The following VPS8 variants were observed in gnomAD, a reference collection of about 807,000 sequenced individuals.
VPS8 encodes VPS8 subunit of CORVET complex, also known as vacuolar protein sorting-associated protein 8 homolog.
In VPS8, 129 loss-of-function variants were observed where a neutral mutation model predicts 216.4. The ratio of observed to expected loss-of-function variants is 0.60; its 90% CI spans 0.52 to 0.69. VPS8 has a LOEUF of 0.69. Among genes scored for constraint, VPS8 ranks in the 30% least tolerant of loss-of-function variants. VPS8 has a pLI of 0.00. For synonymous variants in VPS8, 571 were observed against 565.4 expected (o/e 1.01, Z -0.14); for missense variants, 1,531 against 1,683.5 (o/e 0.91, Z 1.59).
At chr3:184,812,509 A>C (rs1715347932) in intron 1 of VPS8, 2 of 152,246 alleles carry the variant, frequency 1.3e-5, no homozygotes, top group Non-Finnish European at 2.9e-5. Flanking sequence ...GTGAAAATTC[A>C]AATGGGCTTA....
intron 32 of VPS8, among the ~76,000 whole-genome samples, 164 bp downstream of exon 32, chr3:184,928,697 C>A (rs1160004066): frequency 2.6e-5 from 4 of 152,012 alleles, no homozygotes; most frequent in Non-Finnish European, 5.9e-5. Context: ...TAATTGAATT[C>A]TAGAAATTAG....
intron 3 of VPS8, among the ~76,000 whole-genome samples, chr3:184,830,602 C>T (rs771788818): frequency 6.6e-6 from 1 of 151,748 alleles, no homozygotes; most frequent in Non-Finnish European, 1.5e-5. Flanking sequence ...TTCTTTTTTT[C>T]CCTTCACTTT....
chr3:184,840,124 C>T (rs1280947576), intron 7 of VPS8: 3 of 162,164 alleles, frequency 1.8e-5, no homozygotes, highest in East Asian at 1.8e-4. Flanking sequence ...AAAAGATCTT[C>T]AGGAAAACAG....
chr3:185,004,257 C>G (rs1753894636), intron 45 of VPS8, among the ~76,000 whole-genome samples: 2 of 152,202 alleles, frequency 1.3e-5, no homozygotes, highest in African/African-American at 4.8e-5. Flanking sequence ...GCTGGCGGAT[C>G]ACTCGTGGTT....
intron 37 of VPS8, among the ~76,000 whole-genome samples, chr3:184,963,252 A>C (rs1189348812): frequency 6.6e-6 from 1 of 152,162 alleles, no homozygotes; most frequent in Non-Finnish European, 1.5e-5. Flanking sequence ...TTATGAATAC[A>C]TTGAATTTAT....
intron 7 of VPS8, among the ~76,000 whole-genome samples, 181 bp from the exon 8 acceptor site, chr3:184,843,059 T>C (rs976982400): frequency 3.9e-5 from 6 of 152,162 alleles, no homozygotes; most frequent in African/African-American, 4.8e-5. Flanking sequence ...CCATAACCCA[T>C]AGCTGAGCAT....
intron 18 of VPS8, 50 bp downstream of exon 18, chr3:184,868,109 T>G: frequency 6.3e-7 from 1 of 1,580,942 alleles, no homozygotes; most frequent in Non-Finnish European, 8.7e-7. Context: ...TGGTAGCTTC[T>G]TAACATTTCT....
chr3:184,816,835 A>G (rs74921343), intron 1 of VPS8, among the ~76,000 whole-genome samples: 1,801 of 152,306 alleles, frequency 0.012, 40 homozygotes, highest in African/African-American at 0.041. Context: ...GCAGCTGACC[A>G]TCTCCTATTC....
chr3:184,966,553 G>C, intron 38 of VPS8, 118 bp from the exon 39 acceptor site: 1 of 569,908 alleles, frequency 1.8e-6, no homozygotes, highest in Admixed American at 3.7e-5. Flanking sequence ...CTAAAGGACT[G>C]TTCTTAATAA....
intron 29 of VPS8, chr3:184,922,627 G>T: frequency 3.2e-6 from 1 of 312,900 alleles, no homozygotes; most frequent in Non-Finnish European, 6.3e-6. Flanking sequence ...TGTTTATCTT[G>T]CGTCAATGAA....
intron 21 of VPS8, among the ~76,000 whole-genome samples, chr3:184,885,433 A>G (rs1288026303): frequency 6.6e-6 from 1 of 152,220 alleles, no homozygotes; most frequent in Non-Finnish European, 1.5e-5. Context: ...ATGGATTATC[A>G]TTTACTTGAT....
intron 25 of VPS8, among the ~76,000 whole-genome samples, chr3:184,905,841 G>T (rs1026254784): frequency 5.3e-5 from 8 of 150,800 alleles, no homozygotes; most frequent in African/African-American, 1.9e-4. Flanking sequence ...AAATGAAGAG[G>T]TTTTTTTTTA....
chr3:184,832,618 C>G (rs1577781117), intron 3 of VPS8, 71 bp from the exon 4 acceptor site: 2 of 1,389,552 alleles, frequency 1.4e-6, no homozygotes, highest in East Asian at 2.4e-5. Context: ...CTGGAGAAAC[C>G]CATTAATGCC....
chr3:184,896,261 T>A (rs920947908), intron 23 of VPS8, among the ~76,000 whole-genome samples: 1 of 152,174 alleles, frequency 6.6e-6, no homozygotes, highest in African/African-American at 2.4e-5. Context: ...CCATCTAGTT[T>A]TGCCTACCTA....
At chr3:185,032,684 GA>G (rs923679544) in intron 46 of VPS8, among the ~76,000 whole-genome samples, 5 of 145,664 alleles carry the variant, frequency 3.4e-5, no homozygotes, top group African/African-American at 1.3e-4. Context: ...TTTTTTTCTT[GA>G]GACAAAGTCT....
At chr3:185,037,818 T>A (rs1376558669) in intron 46 of VPS8, among the ~76,000 whole-genome samples, 1 of 152,208 alleles carries the variant, frequency 6.6e-6, no homozygotes, top group Non-Finnish European at 1.5e-5. Flanking sequence ...ATAATTTGTA[T>A]CTCTTTATTG....
At chr3:184,962,153 A>G (rs1032763681) in intron 37 of VPS8, among the ~76,000 whole-genome samples, 6 of 152,202 alleles carry the variant, frequency 3.9e-5, no homozygotes, top group African/African-American at 1.4e-4. Flanking sequence ...GAATGTGCCA[A>G]TTTGTTTATT....
chr3:185,027,054 A>G (rs552677745), intron 46 of VPS8, among the ~76,000 whole-genome samples: 40 of 151,890 alleles, frequency 2.6e-4, no homozygotes, highest in Non-Finnish European at 4.9e-4. Flanking sequence ...AGTGGACTAG[A>G]GAAAAGAAAT....
intron 46 of VPS8, among the ~76,000 whole-genome samples, chr3:185,030,642 C>A (rs1487523372): frequency 1.3e-5 from 2 of 152,196 alleles, no homozygotes; most frequent in African/African-American, 4.8e-5. Context: ...AAATACAGTT[C>A]CTTCTCTCAG....
Sources: gnomAD v4.1 joint callset for allele counts (sites outside exome capture counted in the v4.1 genomes callset) on GRCh38, gnomAD v4.1.1 for gene constraint, MANE v1.5 for transcripts, NCBI Gene and HGNC (gene_info 2026-07-23, HGNC 2026-07-21) for gene names.